AVEN: variants seen among roughly 807,000 people sequenced by gnomAD.
AVEN encodes the protein apoptosis and caspase activation inhibitor, also known as cell death regulator Aven.
A neutral mutation model predicts 38.1 loss-of-function variants in AVEN; 41 were observed. The ratio of observed to expected loss-of-function variants is 1.08; its 90% CI spans 0.84 to 1.40. The LOEUF is 1.40. AVEN is among the 40% of genes most tolerant of loss of function. The pLI, the probability that AVEN is intolerant of heterozygous loss-of-function variation, is 0.00. For missense variants in AVEN, 605 were observed against 438.8 expected (o/e 1.38, Z -3.38); for synonymous variants, 206 against 171.8 (o/e 1.20, Z -1.56).
chr15:34,024,472 CAAAAAAAAA>C (rs10531898), intron 1 of AVEN, among the ~76,000 whole-genome samples: 2 of 101,946 alleles, frequency 2.0e-5, no homozygotes, highest in African/African-American at 8.0e-5. Context: ...GACCCTGTCT[CAAAAAAAAA>C]AAAAAAAAAA....
intron 11 of AVEN, chr15:33,861,039 A>C (rs1567356537): frequency 1.4e-6 from 2 of 1,411,496 alleles, no homozygotes; most frequent in Non-Finnish European, 2.0e-6. Flanking sequence ...TGCCTATATT[A>C]TGCCAACAAA....
At chr15:33,887,348 C>T (rs1891747191) in intron 2 of AVEN, among the ~76,000 whole-genome samples, 3 of 152,142 alleles carry the variant, frequency 2.0e-5, no homozygotes, top group African/African-American at 7.2e-5. Flanking sequence ...AATATTCAGA[C>T]TTCTCAAACT....
chr15:34,017,375 T>C (rs1227592149), intron 1 of AVEN, among the ~76,000 whole-genome samples: 2 of 151,808 alleles, frequency 1.3e-5, no homozygotes, highest in Non-Finnish European at 2.9e-5. Context: ...AAAGAGAAAA[T>C]ATCAATCACC....
At chr15:33,995,114 T>G (rs73387915) in intron 2 of AVEN, among the ~76,000 whole-genome samples, 13,771 of 151,804 alleles carry the variant, frequency 0.091, 732 homozygotes, top group South Asian at 0.21. Flanking sequence ...AATGAAGAAA[T>G]CAGCCAGGTG....
intron 1 of AVEN, among the ~76,000 whole-genome samples, chr15:34,026,889 G>C (rs1396571665): frequency 2.0e-5 from 3 of 152,168 alleles, no homozygotes; most frequent in African/African-American, 4.8e-5. Flanking sequence ...CCAAAGACTA[G>C]AACTGTGGCC....
rs1315159074 is a variant in AVEN at position 33,986,904 on chromosome 15, A to C, written c.445+16128T>G. The stretch of plus-strand genomic sequence containing the variant: ...GATCTCCTGACCTCGTGATCCGCCC[A>C]CCTCGGCCTCCCAAAGTGCTGGGAT... On this transcript the variant is annotated intron_variant, in intron 2 of 5. Transcript: ENST00000306730. Among the ~76,000 whole-genome samples the C allele has an allele frequency of 3.9e-5, 6 of 151,994 alleles. No individual in the cohort carries two copies. In the South Asian group the frequency reaches 1.0e-3, roughly 26 times the overall value.
At chr15:34,020,947 C>T (rs75234338) in intron 1 of AVEN, among the ~76,000 whole-genome samples, 4,459 of 152,294 alleles carry the variant, frequency 0.029, 179 homozygotes, top group African/African-American at 0.081. Flanking sequence ...TATATGCACA[C>T]ACTGACCAAA....
At chr15:34,014,195 T>C (rs1250605119) in intron 1 of AVEN, among the ~76,000 whole-genome samples, 1 of 151,834 alleles carries the variant, frequency 6.6e-6, no homozygotes, top group African/African-American at 2.4e-5. Flanking sequence ...AAACCCCATC[T>C]CTACTAAAAA....
rs367797907 is a variant in AVEN, at chr15:33,942,819, T to A, written c.445+60213A>T. ...TACAATATCCTGAGGATTTCTTTTA[T>A]CATTCAGGACTTATCAAAAGTTCTA... On this transcript the variant is annotated intron_variant, in intron 2 of 5. Coordinates refer to ENST00000306730, the MANE Select transcript of AVEN (RefSeq NM_020371.3). Among the ~76,000 whole-genome samples the A allele has an allele frequency of 8.6e-4, 131 of 152,330 alleles. 3 individuals are homozygous for A. The South Asian group carries it at 0.027, about 32-fold the overall frequency.
chr15:34,038,656 GCGCCGGCGC>G, intron 1 of AVEN, 115 bp downstream of exon 1: 1 of 941,444 alleles, frequency 1.1e-6, no homozygotes, highest in South Asian at 5.1e-5. Flanking sequence ...TCCCGCGCAG[GCGCCGGCGC>G]CGCCGCCCGT....
At chr15:33,855,807 C>T (rs2079597458), downstream of AVEN, 1 of 152,078 alleles carries the variant, frequency 6.6e-6, no homozygotes, top group South Asian at 2.1e-4. Flanking sequence ...ATATGGAAGA[C>T]TGGATATTGA....
chr15:33,864,874 C>G (rs778156868), downstream of AVEN: 2 of 440,224 alleles, frequency 4.5e-6, no homozygotes, highest in Non-Finnish European at 8.1e-6. Context: ...TAGTGGCAAA[C>G]ATTGATTGGT....
At chr15:33,910,742 C>T (rs879644899) in intron 2 of AVEN, among the ~76,000 whole-genome samples, 2 of 152,158 alleles carry the variant, frequency 1.3e-5, no homozygotes, top group Non-Finnish European at 1.5e-5. Flanking sequence ...CCAACGGACA[C>T]TCTGGTAGGG....
At chr15:33,863,961 G>A (rs560358804), downstream of AVEN, among the ~76,000 whole-genome samples, 12 of 152,300 alleles carry the variant, frequency 7.9e-5, no homozygotes, top group African/African-American at 2.9e-4. Context: ...TGAGATTCAT[G>A]TGTGCTACTA....
At chr15:34,017,076 G>A (rs1044178816) in intron 1 of AVEN, among the ~76,000 whole-genome samples, 2 of 151,974 alleles carry the variant, frequency 1.3e-5, no homozygotes, top group African/African-American at 4.8e-5. Context: ...AGGCTGTAAT[G>A]AGCTGTGATT....
chr15:34,006,356 A>C (rs1897343522), intron 1 of AVEN, among the ~76,000 whole-genome samples: 1 of 151,898 alleles, frequency 6.6e-6, no homozygotes. Flanking sequence ...TTTGCGGGAC[A>C]GAACTAGAGC....
intron 4 of AVEN, among the ~76,000 whole-genome samples, chr15:33,869,160 C>T (rs1269982833): frequency 6.6e-6 from 1 of 152,142 alleles, no homozygotes; most frequent in African/African-American, 2.4e-5. Context: ...GGACATGGTC[C>T]TCTATTCTAA....
Position 33,915,206 on chromosome 15 carries a change from G to A in AVEN, c.446-39211C>T, listed in dbSNP as rs143507278. ...CAGCTCCCACTCAGAGCAGCATGTG[G>A]AGACTCACATCGTGAACTTTTGCTC... On this transcript the variant is annotated intron_variant, in intron 2 of 5. Coordinates refer to ENST00000306730, the MANE Select transcript of AVEN (RefSeq NM_020371.3). 2.0e-5 allele frequency among the ~76,000 whole-genome samples: 3 copies of A among 152,242 alleles called. No individual in the cohort carries two copies. The East Asian group carries it at 5.8e-4, about 29-fold the overall frequency.
intron 4 of AVEN, among the ~76,000 whole-genome samples, chr15:33,869,145 A>G (rs191378537): frequency 6.6e-6 from 1 of 152,188 alleles, no homozygotes; most frequent in Non-Finnish European, 1.5e-5. Context: ...TACAGGGCAA[A>G]GCTGGGACAT....
Sources: allele counts gnomAD v4.1 joint callset (sites outside exome capture counted in the v4.1 genomes callset), GRCh38; gene constraint gnomAD v4.1.1; transcripts MANE v1.5; gene names NCBI Gene and HGNC (gene_info 2026-07-23, HGNC 2026-07-21).